C15orf61: variants seen among roughly 807,000 people sequenced by gnomAD.
The protein encoded by C15orf61 is chromosome 15 open reading frame 61.
C15orf61 carries 12 observed loss-of-function variants against 13.7 expected under a neutral mutation model. The observed-to-expected ratio is 0.88, with a 90% CI of 0.56 to 1.42. The LOEUF (loss-of-function observed/expected upper bound fraction) is 1.42, where lower values mean the gene tolerates loss of function less well. C15orf61 is among the 40% of genes most tolerant of loss of function. The pLI is 0.00. For missense variants in C15orf61, 248 were observed against 213.2 expected (o/e 1.16, Z -1.02); for synonymous variants, 92 against 94.1 (o/e 0.98, Z 0.13).
At position 67,527,816 on chromosome 15, in the gene C15orf61, G is replaced by A. The variant is rs772348878; in HGVS notation, c.*1271G>A. 2.0e-5 allele frequency: 3 copies of A among 152,184 alleles called. No individual in the cohort carries two copies. The highest frequency in any genetic ancestry group is 4.4e-5 in the Non-Finnish European group (3 of 68,018). The allele number at this position is 152,184 out of a possible 1,614,324, so 9.4% of individuals were successfully genotyped here. A position where few individuals can be genotyped will look rare whatever the true frequency, so the allele number is the denominator to read the frequency against. ...AGAGTGAACTGTTCTTCAAATATATGTGGTGTTCACTTGTCTAAAAGCAAT... is the reference window on the plus strand; with the variant it reads ...AGAGTGAACTGTTCTTCAAATATATATGGTGTTCACTTGTCTAAAAGCAAT... On this transcript the variant is annotated 3_prime_UTR_variant, in exon 2 of 2. Coordinates refer to ENST00000342683, the MANE Select transcript of C15orf61 (RefSeq NM_001143936.2).
Position 67,525,271 on chromosome 15 carries a change from C to A in C15orf61, c.347-1147C>A, listed in dbSNP as rs2084192460. Reference sequence around the variant, plus strand: ...GAGCATACAGTATTTGTTATTGATTCATGTGCCTATGGTTTTATTACATAT... The same window carrying A: ...GAGCATACAGTATTTGTTATTGATTAATGTGCCTATGGTTTTATTACATAT... On this transcript the variant is annotated intron_variant, in intron 1 of 1. Coordinates refer to ENST00000342683, the MANE Select transcript of C15orf61 (RefSeq NM_001143936.2). This position sits in a 1 kb window ranked among gnomAD's most constrained non-coding sequence, Gnocchi z 4.9. 6.6e-6 allele frequency among the ~76,000 whole-genome samples: 1 copy of A among 152,196 alleles called. No homozygotes were observed. Among genetic ancestry groups the A allele is most frequent in the Non-Finnish European group, 1.5e-5 (1 of 68,024 alleles).
intron 1 of C15orf61, among the ~76,000 whole-genome samples, chr15:67,522,988 T>C (rs1596528462): frequency 1.3e-5 from 2 of 152,186 alleles, no homozygotes; most frequent in African/African-American, 4.8e-5. Flanking sequence ...ATTCCACACA[T>C]AGAAAAGTAA....
Position 67,521,316 on chromosome 15 carries a change from G to C in C15orf61, c.68G>C (p.Arg23Pro), listed in dbSNP as rs1222521125. The C allele has an allele frequency of 6.6e-7, 1 of 1,526,046 alleles. No homozygotes were observed. Among genetic ancestry groups the C allele is most frequent in the Non-Finnish European group, 8.8e-7 (1 of 1,141,542 alleles). The allele number at this position is 1,526,046 out of a possible 1,614,324, so 94.5% of individuals were successfully genotyped here. A position where few individuals can be genotyped will look rare whatever the true frequency, so the allele number is the denominator to read the frequency against. The change falls in exon 1 of 2, where the codon CGC becomes CCC. Residue 23 changes from arginine to proline, a missense_variant. Arg to Pro is a moderately radical substitution (Grantham distance 103). Transcript: ENST00000342683. Reference sequence around the variant, plus strand: ...CTGCTGTGTAGGCCGTGGGCCTCGCGCGCCGCCGCCCGCCCCAAGCCCAGC... The same window carrying C: ...CTGCTGTGTAGGCCGTGGGCCTCGCCCGCCGCCGCCCGCCCCAAGCCCAGC... ...RLLLCRPWAS[R>P]AAARPKPSAS...
chr15:67,522,438 G>A (rs2084172550), intron 1 of C15orf61, among the ~76,000 whole-genome samples: 1 of 152,172 alleles, frequency 6.6e-6, no homozygotes, highest in African/African-American at 2.4e-5. Flanking sequence ...CTGCGCAGCC[G>A]TACTACTAAT....
intron 1 of C15orf61, among the ~76,000 whole-genome samples, chr15:67,523,644 C>G (rs1276838236): frequency 6.6e-6 from 1 of 152,128 alleles, no homozygotes; most frequent in African/African-American, 2.4e-5. Context: ...TCAGCTGACT[C>G]AAAGTGAATT....
chr15:67,521,621 G>A (rs1377490021), intron 1 of C15orf61, 27 bp downstream of exon 1: 2 of 1,471,424 alleles, frequency 1.4e-6, no homozygotes, highest in African/African-American at 1.4e-5. Flanking sequence ...GCGCCCACGC[G>A]GTGAAGCCCG....
rs779113297 is a variant in C15orf61 at position 67,521,470 on chromosome 15, C to T, written c.222C>T (p.Gly74=). 569 of 1,548,178 alleles carry T rather than the reference C, an allele frequency of 3.7e-4. 1 individual carries two copies. Among genetic ancestry groups the T allele is most frequent in the Non-Finnish European group, 4.6e-4 (528 of 1,146,722 alleles). ...CGCACTTCAACTGGCCGGTGCAGGG[C>T]GCCAACTACCACGTCCTGCGCACCG... ...GLSHFNWPVQ[G]ANYHVLRTGC... is the part of the protein sequence containing the mutation. The change falls in exon 1 of 2, where the codon GGC becomes GGT. Residue 74 remains glycine (G), a synonymous_variant. Coordinates refer to ENST00000342683, the MANE Select transcript of C15orf61 (RefSeq NM_001143936.2).
intron 1 of C15orf61, among the ~76,000 whole-genome samples, chr15:67,522,841 C>A (rs780773838): frequency 3.9e-5 from 6 of 152,122 alleles, no homozygotes; most frequent in Non-Finnish European, 8.8e-5. Context: ...TATAGGTAAA[C>A]CATGAGCCAA....
rs2084206121 is a variant in C15orf61, at chr15:67,527,615, C to A, written c.*1070C>A. On this transcript the variant is annotated 3_prime_UTR_variant, in exon 2 of 2. Transcript: ENST00000342683. ...TATATCATTTTATGTTAATGTGTTG[C>A]TGATACTCTGCAACACTTACACATT... 2.0e-5 allele frequency: 3 copies of A among 152,106 alleles called. No homozygotes were observed. Among genetic ancestry groups the A allele is most frequent in the Non-Finnish European group, 4.4e-5 (3 of 68,008 alleles). The allele number at this position is 152,106 out of a possible 1,614,324, so 9.4% of individuals were successfully genotyped here.
At position 67,528,507 on chromosome 15, in the gene C15orf61, A is replaced by G. The variant is rs1042654695; in HGVS notation, c.*1962A>G. On this transcript the variant is annotated 3_prime_UTR_variant, in exon 2 of 2. Transcript: ENST00000342683. ...TGGTGAAGGATGAACTAACTCAACA[A>G]TGGGTAAAGGCGTGGTTTAAAAATT... 8 of 152,264 alleles carry G rather than the reference A, an allele frequency of 5.3e-5. No individual in the cohort carries two copies. Among genetic ancestry groups the G allele is most frequent in the Admixed American group, 4.6e-4 (7 of 15,290 alleles). 9.4% of individuals were successfully genotyped at this position (152,264 alleles called of 1,614,324 possible). A position where few individuals can be genotyped will look rare whatever the true frequency, so the allele number is the denominator to read the frequency against.
intron 1 of C15orf61, among the ~76,000 whole-genome samples, chr15:67,523,326 C>T (rs1342747627): frequency 6.6e-6 from 1 of 152,128 alleles, no homozygotes; most frequent in Admixed American, 6.5e-5. Flanking sequence ...GAGGTACAAT[C>T]GTCTCTCTGG....
At chr15:67,521,628 C>A (rs1375329180) in intron 1 of C15orf61, 34 bp downstream of exon 1, 3 of 1,454,548 alleles carry the variant, frequency 2.1e-6, no homozygotes, top group Admixed American at 2.1e-5. Flanking sequence ...CGCGGTGAAG[C>A]CCGCCCGGCC....
intron 1 of C15orf61, chr15:67,521,898 C>A: frequency 1.5e-6 from 1 of 662,774 alleles, no homozygotes; most frequent in East Asian, 2.8e-5. Context: ...GGCAGTAAGC[C>A]AGGGGGCGTC....
rs1357566882 is a variant in C15orf61, at chr15:67,521,385, C to T, written c.137C>T (p.Pro46Leu). The change falls in exon 1 of 2, where the codon CCG (proline) becomes CTG (leucine). Residue 46 changes from proline (P) to leucine (L), a missense_variant. Transcript: ENST00000342683. ...LTRHLLQRRL[P>L]HWTSFCVPYS... ...CGGCATCTGCTGCAGCGGCGCCTGC[C>T]GCACTGGACCTCCTTCTGCGTGCCC... 5.8e-6 allele frequency: 9 copies of T among 1,540,674 alleles called. No homozygotes were observed. The highest frequency in any genetic ancestry group is 7.9e-6 in the Non-Finnish European group (9 of 1,146,442).
rs2084209191 is a variant in C15orf61 at position 67,528,193 on chromosome 15, C to G, written c.*1648C>G. ...ACAGCTTTTCAGTAGAGTTGCACCT[C>G]TTTTCACACTGGCCTGTTTGATTTC... On this transcript the variant is annotated 3_prime_UTR_variant, in exon 2 of 2. Coordinates refer to ENST00000342683, the MANE Select transcript of C15orf61 (RefSeq NM_001143936.2). 1 of 152,220 alleles carries G rather than the reference C, an allele frequency of 6.6e-6. No homozygotes were observed. The highest frequency in any genetic ancestry group is 2.4e-5 in the African/African-American group (1 of 41,468). The allele number at this position is 152,220 out of a possible 1,614,324, so 9.4% of individuals were successfully genotyped here. A position where few individuals can be genotyped will look rare whatever the true frequency, so the allele number is the denominator to read the frequency against.
Position 67,521,164 on chromosome 15 carries a change from G to T in C15orf61, c.-85G>T. On this transcript the variant is annotated 5_prime_UTR_variant, in exon 1 of 2. Transcript: ENST00000342683. ...GGCTCTCGGGCACCCGCGCGGCGCCGGTTGGCCTTCCCGGCGCTCGCCCGG... is the reference window on the plus strand; with the variant it reads ...GGCTCTCGGGCACCCGCGCGGCGCCTGTTGGCCTTCCCGGCGCTCGCCCGG... The T allele has an allele frequency of 1.0e-6, 1 of 960,920 alleles. No homozygotes were observed. Among genetic ancestry groups the T allele is most frequent in the Non-Finnish European group, 1.3e-6 (1 of 766,782 alleles). 59.5% of individuals were successfully genotyped at this position (960,920 alleles called of 1,614,324 possible).
rs1014525847 is a variant in C15orf61, at chr15:67,525,386, T to C, written c.347-1032T>C. On this transcript the variant is annotated intron_variant, in intron 1 of 1. Coordinates refer to ENST00000342683, the MANE Select transcript of C15orf61 (RefSeq NM_001143936.2). The surrounding 1 kb of genome is among the most constrained non-coding windows in gnomAD (Gnocchi z 4.9). ...AGTTTGTTTTGTGCCAACAGTCTTA[T>C]ATGCATGTGAGTGCTTAATACATAT... Among the ~76,000 whole-genome samples, 5 of 152,236 alleles carry C rather than the reference T, an allele frequency of 3.3e-5. No individual in the cohort carries two copies. Among genetic ancestry groups the C allele is most frequent in the Non-Finnish European group, 4.4e-5 (3 of 68,040 alleles).
At chr15:67,521,720 C>A in intron 1 of C15orf61, 126 bp downstream of exon 1, 1 of 994,450 alleles carries the variant, frequency 1.0e-6, no homozygotes, top group Non-Finnish European at 1.4e-6. Context: ...TGCCTCCCGG[C>A]GCCGGCTTCG....
chr15:67,522,452 A>G (rs1367532544), intron 1 of C15orf61, among the ~76,000 whole-genome samples: 3 of 152,220 alleles, frequency 2.0e-5, no homozygotes, highest in East Asian at 3.8e-4. Flanking sequence ...TACTAATACT[A>G]TTACATAATC....
Sources: allele counts gnomAD v4.1 joint callset (sites outside exome capture counted in the v4.1 genomes callset), GRCh38; gene constraint gnomAD v4.1.1; non-coding constraint Gnocchi (gnomAD v3.1); transcripts MANE v1.5; gene names NCBI Gene and HGNC (gene_info 2026-07-23, HGNC 2026-07-21).